CSMD1: variants seen among roughly 807,000 people sequenced by gnomAD.
CSMD1 encodes the protein CUB and sushi domain-containing protein 1.
In CSMD1, 213 loss-of-function variants were observed where a neutral mutation model predicts 417.5. The observed-to-expected ratio is 0.51, with a 90% CI of 0.46 to 0.57. The LOEUF is 0.57. CSMD1 is among the 20% of genes least tolerant of loss of function. The pLI, the probability that CSMD1 is intolerant of heterozygous loss-of-function variation, is 0.00. For synonymous variants in CSMD1, 2,862 were observed against 1,736.8 expected (o/e 1.65, Z -16.11); for missense variants, 6,923 against 4,529.7 (o/e 1.53, Z -15.17).
At chr8:4,929,622 C>A (rs901005271) in intron 1 of CSMD1, among the ~76,000 whole-genome samples, 1 of 152,290 alleles carries the variant, frequency 6.6e-6, no homozygotes, top group East Asian at 1.9e-4. Context: ...CATCATTTGT[C>A]ACCATTTTCA....
intron 10 of CSMD1, among the ~76,000 whole-genome samples, chr8:3,536,138 G>C (rs1186942401): frequency 6.6e-6 from 1 of 152,304 alleles, no homozygotes; most frequent in East Asian, 1.9e-4. Flanking sequence ...GTGATATCCG[G>C]ATCATCAACT....
intron 3 of CSMD1, among the ~76,000 whole-genome samples, chr8:4,040,108 C>A (rs940614703): frequency 2.6e-5 from 4 of 152,036 alleles, no homozygotes; most frequent in African/African-American, 7.2e-5. Context: ...TAACATATCG[C>A]AATTTCAGAA....
At chr8:4,347,856 G>T (rs558092184) in intron 3 of CSMD1, among the ~76,000 whole-genome samples, 4 of 151,732 alleles carry the variant, frequency 2.6e-5, no homozygotes, top group Non-Finnish European at 4.4e-5. Flanking sequence ...AAAAAAAACA[G>T]ATCAGAGGTA....
intron 18 of CSMD1, among the ~76,000 whole-genome samples, chr8:3,386,065 A>G (rs560981824): frequency 1.3e-5 from 2 of 152,294 alleles, no homozygotes; most frequent in East Asian, 3.9e-4. Flanking sequence ...TAAGTGGCAA[A>G]ATGATATCAA....
At chr8:3,269,756 A>C (rs1379893785) in intron 26 of CSMD1, among the ~76,000 whole-genome samples, 1 of 152,190 alleles carries the variant, frequency 6.6e-6, no homozygotes, top group African/African-American at 2.4e-5. Flanking sequence ...ATTAAGCTTT[A>C]ATGAAAAGTG....
intron 3 of CSMD1, among the ~76,000 whole-genome samples, chr8:4,292,522 G>C (rs1407629698): frequency 1.3e-5 from 2 of 152,218 alleles, no homozygotes; most frequent in South Asian, 2.1e-4. Context: ...CGAGTGCTGG[G>C]ATTACAGCCC....
intron 1 of CSMD1, among the ~76,000 whole-genome samples, chr8:4,871,067 G>C (rs186161657): frequency 6.6e-6 from 1 of 152,170 alleles, no homozygotes; most frequent in Non-Finnish European, 1.5e-5. Flanking sequence ...AGGTGAGGCA[G>C]TTGCAACAGC....
chr8:3,690,534 C>G (rs910911476), intron 7 of CSMD1, among the ~76,000 whole-genome samples: 3 of 152,174 alleles, frequency 2.0e-5, no homozygotes, highest in East Asian at 1.9e-4. Context: ...GACTGTTAGT[C>G]ATCATCTACT....
At chr8:4,567,611 G>A (rs1429796947) in intron 2 of CSMD1, among the ~76,000 whole-genome samples, 2 of 152,152 alleles carry the variant, frequency 1.3e-5, no homozygotes, top group East Asian at 1.9e-4. Context: ...AGAGTGCTCT[G>A]TGCAATTATT....
chr8:4,804,471 T>A (rs898701079), intron 1 of CSMD1, among the ~76,000 whole-genome samples: 8 of 148,660 alleles, frequency 5.4e-5, no homozygotes, highest in East Asian at 4.0e-4. Context: ...TTTTTTTTTT[T>A]ATTTAAAAAG....
chr8:3,139,136 G>C (rs1000490896), intron 41 of CSMD1, among the ~76,000 whole-genome samples: 2 of 152,138 alleles, frequency 1.3e-5, no homozygotes, highest in Admixed American at 1.3e-4. Context: ...CAGTGCCTGC[G>C]TCATTCCCAG....
intron 1 of CSMD1, among the ~76,000 whole-genome samples, chr8:4,722,725 G>T (rs866672854): frequency 2.0e-5 from 3 of 152,154 alleles, no homozygotes; most frequent in South Asian, 2.1e-4. Flanking sequence ...GATTTTTACG[G>T]AAAGAAAAAT....
chr8:4,492,050 A>C (rs1415641707), intron 2 of CSMD1, among the ~76,000 whole-genome samples: 1 of 152,170 alleles, frequency 6.6e-6, no homozygotes, highest in Non-Finnish European at 1.5e-5. Flanking sequence ...AAGAAAAAAA[A>C]AGAAACGACC....
intron 1 of CSMD1, among the ~76,000 whole-genome samples, chr8:4,680,348 A>T (rs528022694): frequency 6.6e-6 from 1 of 152,250 alleles, no homozygotes; most frequent in South Asian, 2.1e-4. Flanking sequence ...CACTTAATTC[A>T]ACCTCGTATC....
intron 40 of CSMD1, among the ~76,000 whole-genome samples, chr8:3,150,956 G>A (rs928751332): frequency 6.6e-6 from 1 of 151,830 alleles, no homozygotes; most frequent in African/African-American, 2.4e-5. Flanking sequence ...GTAATATATA[G>A]CAAAAATGTA....
At chr8:4,504,169 C>T (rs1373402627) in intron 2 of CSMD1, among the ~76,000 whole-genome samples, 1 of 152,036 alleles carries the variant, frequency 6.6e-6, no homozygotes, top group Non-Finnish European at 1.5e-5. Context: ...GGAGATCCTG[C>T]CATAGCAACA....
At chr8:4,875,113 C>G (rs1457719134) in intron 1 of CSMD1, among the ~76,000 whole-genome samples, 2 of 151,464 alleles carry the variant, frequency 1.3e-5, no homozygotes, top group Non-Finnish European at 2.9e-5. Flanking sequence ...AGAGTAAATA[C>G]AGAAGCCCTC....
chr8:3,468,821 G>A lies in CSMD1; in HGVS notation c.1452C>T (p.Leu484=), dbSNP rs778066503. 6.3e-6 allele frequency: 10 copies of A among 1,584,562 alleles called. No individual in the cohort carries two copies. The highest frequency in any genetic ancestry group is 8.6e-6 in the Non-Finnish European group (10 of 1,164,736). The change falls in exon 12 of 70, where the codon CTC becomes CTT. Residue 484 remains leucine, a synonymous_variant. Transcript: ENST00000635120. ...VGDTRSVLYV[L]TGSSVPDLIV... ...TGAGGTCAGGAACACTGGATCCCGT[G>A]AGCCTGCAAGAAAGAGAAATGTCAA...
chr8:3,273,663 G>C (rs1328908230), intron 26 of CSMD1, among the ~76,000 whole-genome samples: 3 of 152,200 alleles, frequency 2.0e-5, no homozygotes, highest in South Asian at 2.1e-4. Flanking sequence ...AGTCTTGGGA[G>C]AGTGTATGTG....
Sources: allele counts gnomAD v4.1 joint callset (sites outside exome capture counted in the v4.1 genomes callset), GRCh38; gene constraint gnomAD v4.1.1; transcripts MANE v1.5; gene names NCBI Gene and HGNC (gene_info 2026-07-23, HGNC 2026-07-21).